Variants in PDZD2 observed in about 807,000 individuals in gnomAD.
PDZD2 encodes the protein PDZ domain-containing protein 2.
Under a neutral mutation model 220.7 loss-of-function variants are expected in PDZD2, and 90 were observed. The ratio of observed to expected loss-of-function variants is 0.41; its 90% CI spans 0.34 to 0.49. PDZD2 has a LOEUF of 0.49. PDZD2 is among the 20% of genes least tolerant of loss of function. The probability of loss-of-function intolerance (pLI) is 0.28; values close to 1 mark genes in which losing one functional copy is unlikely to be tolerated. For missense variants in PDZD2, 3,174 were observed against 3,608.5 expected, an observed-to-expected ratio of 0.88 and a Z score of 3.08; for synonymous variants, 1,375 against 1,450.5, an observed-to-expected ratio of 0.95 and a Z score of 1.18.
chr5:31,692,334 C>T (rs1203382840), intron 1 of PDZD2, among the ~76,000 whole-genome samples: 6 of 152,240 alleles, frequency 3.9e-5, no homozygotes, highest in Admixed American at 6.5e-5. Flanking sequence ...CCGGTTCCCG[C>T]CCGCGCCTCT....
At chr5:32,013,898 A>G (rs1281851678) in intron 6 of PDZD2, among the ~76,000 whole-genome samples, 1 of 152,122 alleles carries the variant, frequency 6.6e-6, no homozygotes, top group East Asian at 1.9e-4. Flanking sequence ...CCCTCTCTTG[A>G]GTTCTCGTTG....
At chr5:31,921,406 G>A (rs773945486) in intron 2 of PDZD2, among the ~76,000 whole-genome samples, 1 of 152,102 alleles carries the variant, frequency 6.6e-6, no homozygotes, top group South Asian at 2.1e-4. Flanking sequence ...TCTTAAGGCC[G>A]GGTGCAGTGG....
intron 2 of PDZD2, among the ~76,000 whole-genome samples, chr5:31,808,285 A>C (rs1001775713): frequency 9.9e-5 from 15 of 152,246 alleles, no homozygotes; most frequent in African/African-American, 3.6e-4. Context: ...GCTGTTTAAA[A>C]AGCCAGAGAA....
intron 2 of PDZD2, chr5:31,908,629 A>G: frequency 9.8e-7 from 1 of 1,018,528 alleles, no homozygotes; most frequent in Non-Finnish European, 1.5e-6. Flanking sequence ...GAAATACATC[A>G]AAGGTTACGT....
intron 1 of PDZD2, chr5:31,725,686 GT>G: frequency 2.1e-6 from 2 of 961,266 alleles, no homozygotes; most frequent in Non-Finnish European, 3.4e-6. Context: ...TTTGGAATCT[GT>G]TTTTAGAGAT....
intron 2 of PDZD2, among the ~76,000 whole-genome samples, chr5:31,967,112 A>C (rs1417539726): frequency 6.6e-6 from 1 of 152,230 alleles, no homozygotes; most frequent in African/African-American, 2.4e-5. Flanking sequence ...CAGGCTTGGC[A>C]CAAGGTGGAA....
chr5:32,081,564 T>A (rs1741958847), intron 19 of PDZD2, among the ~76,000 whole-genome samples: 1 of 152,182 alleles, frequency 6.6e-6, no homozygotes, highest in South Asian at 2.1e-4. Context: ...TGTCTCCTTT[T>A]GTTTAGGTAT....
chr5:31,889,622 C>T (rs114198624), intron 2 of PDZD2, among the ~76,000 whole-genome samples: 1,848 of 152,330 alleles, frequency 0.012, 23 homozygotes, highest in African/African-American at 0.042. Context: ...AAGCCCTTTA[C>T]TCGCCAACAC....
At chr5:31,946,669 G>A (rs6888715) in intron 2 of PDZD2, among the ~76,000 whole-genome samples, 59,152 of 151,948 alleles carry the variant, frequency 0.39, 11,957 homozygotes, top group Middle Eastern at 0.55. Flanking sequence ...CAAAGGAAAG[G>A]CTCCATAGAT....
Position 31,799,118 on chromosome 5 carries a change from C to A in PDZD2, c.-131C>A. On this transcript the variant is annotated 5_prime_UTR_variant, in exon 2 of 25. Coordinates refer to ENST00000438447, the MANE Select transcript of PDZD2 (RefSeq NM_178140.4). ...AGTCTCGAGTAGGTGTCCCTAGGCT[C>A]ATCTGCCAGCCTGAACATGAACACA... is the stretch of plus-strand genomic sequence containing the variant. The A allele has an allele frequency of 1.6e-6, 1 of 627,706 alleles. No individual in the cohort carries two copies. Among genetic ancestry groups the A allele is most frequent in the Non-Finnish European group, 2.8e-6 (1 of 357,472 alleles). 38.9% of individuals were successfully genotyped at this position (627,706 alleles called of 1,614,324 possible).
At chr5:31,890,133 T>C (rs1740883001) in intron 2 of PDZD2, among the ~76,000 whole-genome samples, 1 of 130,898 alleles carries the variant, frequency 7.6e-6, no homozygotes, top group Non-Finnish European at 1.6e-5. Flanking sequence ...TTCTTTTTTG[T>C]GATTTTTTTT....
At chr5:31,779,166 C>A (rs1752905848) in intron 1 of PDZD2, among the ~76,000 whole-genome samples, 1 of 152,028 alleles carries the variant, frequency 6.6e-6, no homozygotes, top group Admixed American at 6.6e-5. Context: ...ACTCCCAGCC[C>A]CACCACTGCA....
intron 2 of PDZD2, among the ~76,000 whole-genome samples, chr5:31,849,899 T>C (rs577780872): frequency 3.8e-4 from 13 of 34,384 alleles, no homozygotes; most frequent in East Asian, 1.9e-3. Context: ...CACATATATA[T>C]ATATACATAT....
At chr5:31,886,646 C>T (rs1740508878) in intron 2 of PDZD2, among the ~76,000 whole-genome samples, 2 of 151,786 alleles carry the variant, frequency 1.3e-5, no homozygotes, top group South Asian at 4.2e-4. Context: ...GTGACTGTTA[C>T]AGGTAGAGCC....
At chr5:31,984,076 A>G (rs1002814600) in intron 3 of PDZD2, among the ~76,000 whole-genome samples, 5 of 152,342 alleles carry the variant, frequency 3.3e-5, no homozygotes, top group Non-Finnish European at 7.4e-5. Context: ...AGCTGACACC[A>G]CAAACATCTA....
At chr5:31,814,669 A>AG (rs1161843975) in intron 2 of PDZD2, among the ~76,000 whole-genome samples, 5 of 151,914 alleles carry the variant, frequency 3.3e-5, no homozygotes, top group African/African-American at 1.2e-4. Context: ...CTAAAAAAAA[A>AG]CAGCCAAGCG....
chr5:32,104,133 C>T (rs762516442), intron 24 of PDZD2, among the ~76,000 whole-genome samples: 1 of 151,938 alleles, frequency 6.6e-6, no homozygotes, highest in Non-Finnish European at 1.5e-5. Context: ...TCTGGCCGGG[C>T]ATGGTGGCTC....
At chr5:31,977,989 A>G (rs550106593) in intron 2 of PDZD2, among the ~76,000 whole-genome samples, 3 of 152,294 alleles carry the variant, frequency 2.0e-5, no homozygotes, top group East Asian at 3.9e-4. Flanking sequence ...GAGAACTACA[A>G]TAGATTTCAG....
rs1004814158 is a variant in PDZD2 at position 32,109,161 on chromosome 5, C to G, written c.*1026C>G. 1 of 152,244 alleles carries G rather than the reference C, an allele frequency of 6.6e-6. No individual in the cohort carries two copies. 9.4% of individuals were successfully genotyped at this position (152,244 alleles called of 1,614,324 possible). A position where few individuals can be genotyped will look rare whatever the true frequency, so the allele number is the denominator to read the frequency against. On this transcript the variant is annotated 3_prime_UTR_variant, in exon 25 of 25. Transcript: ENST00000438447. ...CTTGGATTTATAGACAATGTATGTA[C>G]AATCCAAATAGAGGAGCTTAATGGA...
Sources: gnomAD v4.1 joint callset for allele counts (sites outside exome capture counted in the v4.1 genomes callset) on GRCh38, gnomAD v4.1.1 for gene constraint, MANE v1.5 for transcripts, NCBI Gene and HGNC (gene_info 2026-07-23, HGNC 2026-07-21) for gene names.